The following CACNA1C variants were observed in gnomAD, a reference collection of about 807,000 sequenced individuals.
CACNA1C encodes voltage-dependent L-type calcium channel subunit alpha-1C.
Under a neutral mutation model 229.0 loss-of-function variants are expected in CACNA1C, and 30 were observed. The observed-to-expected ratio is 0.13, with a 90% CI of 0.10 to 0.18. The LOEUF is 0.18. CACNA1C is among the 10% of genes least tolerant of loss of function. The pLI is 1.00. For synonymous variants in CACNA1C, 1,114 were observed against 1,132.5 expected, an observed-to-expected ratio of 0.98 and a Z score of 0.33; for missense variants, 1,658 against 2,845.0, an observed-to-expected ratio of 0.58 and a Z score of 9.49.
chr12:2,407,224 C>G (rs1226117868), intron 3 of CACNA1C, among the ~76,000 whole-genome samples: 1 of 152,296 alleles, frequency 6.6e-6, no homozygotes, highest in Non-Finnish European at 1.5e-5. Context: ...CACCTCATTA[C>G]TGCCTAGTTG....
At chr12:2,141,223 G>A (rs1243022574) in intron 3 of CACNA1C, among the ~76,000 whole-genome samples, 2 of 151,334 alleles carry the variant, frequency 1.3e-5, no homozygotes, top group Non-Finnish European at 3.0e-5. Context: ...TTTGTTGTGA[G>A]TGTGACGTTG....
intron 3 of CACNA1C, among the ~76,000 whole-genome samples, chr12:2,318,021 G>A (rs1012841369): frequency 3.3e-5 from 5 of 152,220 alleles, no homozygotes; most frequent in East Asian, 3.8e-4. Context: ...AGAGGCAGAC[G>A]GGGAGAGCAG....
Position 2,678,046 on chromosome 12 carries a change from A to G in CACNA1C, c.5091+179A>G. 1 of 674,230 alleles carries G rather than the reference A, an allele frequency of 1.5e-6. No individual in the cohort carries two copies. The highest frequency in any genetic ancestry group is 2.8e-5 in the East Asian group (1 of 35,722). The allele number at this position is 674,230 out of a possible 1,614,324, so 41.8% of individuals were successfully genotyped here. On this transcript the variant is annotated intron_variant, in intron 41 of 46. Transcript: ENST00000399655. The surrounding 1 kb of genome is among the most constrained non-coding windows in gnomAD (Gnocchi z 4.1). ...CTTTGCCTTTTCCAAGCCTGACTCCATCCCAAGGCAGGGCTCCCTGGAAAC... is the reference window on the plus strand; with the variant it reads ...CTTTGCCTTTTCCAAGCCTGACTCCGTCCCAAGGCAGGGCTCCCTGGAAAC...
chr12:2,305,953 C>T (rs1261875844), intron 3 of CACNA1C, among the ~76,000 whole-genome samples: 1 of 152,208 alleles, frequency 6.6e-6, no homozygotes, highest in Non-Finnish European at 1.5e-5. Context: ...ATATATTACT[C>T]ATATTAGCTC....
Position 2,610,408 on chromosome 12 carries a change from A to G in CACNA1C, c.3559-133A>G, listed in dbSNP as rs112537054. On this transcript the variant is annotated intron_variant, in intron 27 of 46. Coordinates refer to ENST00000399655, the MANE Select transcript of CACNA1C (RefSeq NM_000719.7). Reference sequence around the variant, plus strand: ...ACCTGTAAGTGAGCCGGAGCGGCCAATGATTTCTCAGACTTCCGGAGAACC... The same window carrying G: ...ACCTGTAAGTGAGCCGGAGCGGCCAGTGATTTCTCAGACTTCCGGAGAACC... The G allele has an allele frequency of 3.5e-3, 3,076 of 873,436 alleles. 9 individuals carry two copies. The highest frequency in any genetic ancestry group is 4.8e-3 in the Non-Finnish European group (2,726 of 569,434). 54.1% of individuals were successfully genotyped at this position (873,436 alleles called of 1,614,324 possible).
chr12:2,189,382 A>G (rs2097144602), intron 3 of CACNA1C, among the ~76,000 whole-genome samples: 1 of 152,180 alleles, frequency 6.6e-6, no homozygotes, highest in Non-Finnish European at 1.5e-5. Context: ...CTGACTCGGG[A>G]TAAGAGTGGG....
chr12:2,103,177 T>C (rs2077043315), intron 1 of CACNA1C, among the ~76,000 whole-genome samples: 1 of 152,240 alleles, frequency 6.6e-6, no homozygotes, highest in African/African-American at 2.4e-5. Flanking sequence ...TCCACAATGG[T>C]TGAACTAATT....
intron 18 of CACNA1C, among the ~76,000 whole-genome samples, chr12:2,589,509 G>A (rs2064147674): frequency 6.6e-6 from 1 of 152,260 alleles, no homozygotes; most frequent in African/African-American, 2.4e-5. Context: ...GAGGGCCAGT[G>A]TGCCTGCAGC....
At chr12:2,252,339 G>T (rs1369473112) in intron 3 of CACNA1C, among the ~76,000 whole-genome samples, 1 of 152,210 alleles carries the variant, frequency 6.6e-6, no homozygotes, top group Admixed American at 6.5e-5. Flanking sequence ...AGACAGAGTG[G>T]CCTCTGCAAT....
chr12:2,431,338 T>C (rs965000991), intron 3 of CACNA1C, among the ~76,000 whole-genome samples: 10 of 152,130 alleles, frequency 6.6e-5, no homozygotes, highest in African/African-American at 2.4e-4. Context: ...ATGAGAAAAA[T>C]CAGACTCACA....
intron 3 of CACNA1C, among the ~76,000 whole-genome samples, chr12:2,207,930 T>C (rs2238053): frequency 0.3 from 46,279 of 152,118 alleles, 8,226 homozygotes; most frequent in South Asian, 0.39. Flanking sequence ...AAATGGTCCC[T>C]ATCTTCAAGG....
intron 10 of CACNA1C, among the ~76,000 whole-genome samples, 197 bp from the exon 11 acceptor site, chr12:2,556,754 G>A (rs912529968): frequency 6.6e-6 from 1 of 152,184 alleles, no homozygotes; most frequent in Non-Finnish European, 1.5e-5. Flanking sequence ...ATGCTAGCCA[G>A]GCCAGACCTC....
At chr12:2,057,970 C>G (rs2055873447) in intron 1 of CACNA1C, among the ~76,000 whole-genome samples, 1 of 152,224 alleles carries the variant, frequency 6.6e-6, no homozygotes, top group South Asian at 2.1e-4. Flanking sequence ...ACTGGGTGCA[C>G]TTCACAGTTG....
At chr12:2,371,812 T>C (rs2097875492) in intron 3 of CACNA1C, among the ~76,000 whole-genome samples, 1 of 151,802 alleles carries the variant, frequency 6.6e-6, no homozygotes, top group Non-Finnish European at 1.5e-5. Context: ...GAGGCCGTTC[T>C]TTCCAGATCC....
Position 2,681,534 on chromosome 12 carries a change from G to A in CACNA1C, c.5445-1016G>A, listed in dbSNP as rs1382840289. On this transcript the variant is annotated intron_variant, in intron 42 of 46. Transcript: ENST00000399655. ...GGATGGGCCAGCACGTCCTGTGCCCGGTGGCCCCCAAAAGTGCTGCTGCCT... is the reference window on the plus strand; with the variant it reads ...GGATGGGCCAGCACGTCCTGTGCCCAGTGGCCCCCAAAAGTGCTGCTGCCT... 3.9e-5 allele frequency among the ~76,000 whole-genome samples: 6 copies of A among 152,144 alleles called. No individual in the cohort carries two copies. In the South Asian group the frequency reaches 6.2e-4, roughly 16 times the overall value.
At chr12:2,625,879 G>T (rs2086193226) in intron 29 of CACNA1C, among the ~76,000 whole-genome samples, 1 of 152,116 alleles carries the variant, frequency 6.6e-6, no homozygotes, top group Non-Finnish European at 1.5e-5. Context: ...GATCTCTTGT[G>T]CCCAGGAGAT....
At chr12:2,551,337 A>G (rs2099902085) in intron 10 of CACNA1C, among the ~76,000 whole-genome samples, 1 of 152,116 alleles carries the variant, frequency 6.6e-6, no homozygotes, top group African/African-American at 2.4e-5. Flanking sequence ...ATATTCCCCC[A>G]CGGATGGAGC....
chr12:2,452,507 G>A (rs1404092909), intron 4 of CACNA1C, among the ~76,000 whole-genome samples: 9 of 152,058 alleles, frequency 5.9e-5, no homozygotes, highest in East Asian at 5.8e-4. Context: ...CTCCACTGCC[G>A]GACTACAGAT....
In CACNA1C at chr12:2,067,540, T is replaced by C. The variant is rs1565479708; in HGVS notation, c.49+13929T>C. On this transcript the variant is annotated intron_variant, in intron 1 of 46. Coordinates refer to ENST00000399655, the MANE Select transcript of CACNA1C (RefSeq NM_000719.7). This position sits in a 1 kb window ranked among gnomAD's most constrained non-coding sequence, Gnocchi z 5.3. ...CACATGAAGACAGACTTTATTGGTT[T>C]CACAGTTTGGCCTCCAGAGGGTCTT... 1.3e-5 allele frequency among the ~76,000 whole-genome samples: 2 copies of C among 151,832 alleles called. No individual in the cohort carries two copies. The highest frequency in any genetic ancestry group is 4.8e-5 in the African/African-American group (2 of 41,310).
Sources: allele counts gnomAD v4.1 joint callset (sites outside exome capture counted in the v4.1 genomes callset), GRCh38; gene constraint gnomAD v4.1.1; non-coding constraint Gnocchi (gnomAD v3.1); transcripts MANE v1.5; gene names NCBI Gene and HGNC (gene_info 2026-07-23, HGNC 2026-07-21).